Variants in TBC1D25 observed in about 807,000 individuals in gnomAD.
The protein encoded by TBC1D25 is 5SN3 snoRNA.
TBC1D25 carries 13 observed loss-of-function variants against 38.8 expected under a neutral mutation model. That is an observed-to-expected ratio of 0.34 (90% CI 0.22 to 0.53). The LOEUF (loss-of-function observed/expected upper bound fraction) is 0.53, where lower values mean the gene tolerates loss of function less well. Among genes scored for constraint, TBC1D25 ranks in the 20% least tolerant of loss-of-function variants. TBC1D25 has a pLI of 0.94. For synonymous variants in TBC1D25, 225 were observed against 255.6 expected (o/e 0.88, Z 1.14); for missense variants, 372 against 600.0 (o/e 0.62, Z 3.97).
chrX:48,561,272 T>A lies in TBC1D25; in HGVS notation c.*297T>A, dbSNP rs886561799. 28 of 266,600 alleles carry A rather than the reference T, an allele frequency of 1.1e-4. No individual in the cohort carries two copies. The highest frequency in any genetic ancestry group is 1.0e-3 in the Middle Eastern group (1 of 965). 22.0% of individuals were successfully genotyped at this position (266,600 alleles called of 1,213,427 possible). A position where few individuals can be genotyped will look rare whatever the true frequency, so the allele number is the denominator to read the frequency against. On this transcript the variant is annotated 3_prime_UTR_variant, in exon 6 of 6. Transcript: ENST00000376771. Reference sequence around the variant, plus strand: ...TCCCTGGGTTTTGCTGTAGATGGAGTCCTCAGGGGCCCTTTACCTGATGGA... The same window carrying A: ...TCCCTGGGTTTTGCTGTAGATGGAGACCTCAGGGGCCCTTTACCTGATGGA...
intron 5 of TBC1D25, 39 bp downstream of exon 5, chrX:48,559,385 G>A (rs1556985340): frequency 8.5e-7 from 1 of 1,178,533 alleles, no homozygotes; most frequent in African/African-American, 1.7e-5. Context: ...CATCACTGCT[G>A]CACTCATTAA....
At position 48,560,771 on chromosome X, in the gene TBC1D25, C is replaced by T; in HGVS notation, c.1863C>T (p.Leu621=). Residue 621 remains leucine, a synonymous_variant, in exon 6 of 6, where the codon CTC becomes CTT. Transcript: ENST00000376771. The part of the protein sequence containing the change: ...FGRGNPFMLF[L]CLAILLEHRD... ...GGGGGAACCCATTCATGCTGTTCCT[C>T]TGCCTGGCCATCCTGCTGGAGCACC... The T allele has an allele frequency of 4.1e-6, 5 of 1,211,825 alleles. No homozygotes were observed. The highest frequency in any genetic ancestry group is 5.6e-6 in the Non-Finnish European group (5 of 895,225).
rs782056100 is a variant in TBC1D25 at position 48,556,314 on chromosome X, C to T, written c.389-2583C>T. Among the ~76,000 whole-genome samples the T allele has an allele frequency of 2.7e-5, 3 of 111,654 alleles. No individual in the cohort carries two copies. In the East Asian group the frequency reaches 8.5e-4, roughly 31 times the overall value. Reference sequence around the variant, plus strand: ...GCCTGCAAACATATTGTTAACAAGGCACATCCTGCATAGCCCTAAATCCAT... The same window carrying T: ...GCCTGCAAACATATTGTTAACAAGGTACATCCTGCATAGCCCTAAATCCAT... On this transcript the variant is annotated intron_variant, in intron 3 of 5. Transcript: ENST00000376771.
chrX:48,552,648 G>A (rs1162412739), intron 3 of TBC1D25, among the ~76,000 whole-genome samples: 1 of 110,481 alleles, frequency 9.1e-6, no homozygotes, highest in Non-Finnish European at 1.9e-5. Context: ...ACTGCACCCC[G>A]CCCCAACAGT....
chrX:48,553,977 T>C (rs2061956202), intron 3 of TBC1D25, among the ~76,000 whole-genome samples: 1 of 108,155 alleles, frequency 9.2e-6, no homozygotes, highest in African/African-American at 3.3e-5. Context: ...ACTCAGGAGT[T>C]CGAGACCAGC....
intron 3 of TBC1D25, among the ~76,000 whole-genome samples, chrX:48,552,315 T>C (rs2061940922): frequency 1.0e-5 from 1 of 99,310 alleles, no homozygotes; most frequent in East Asian, 3.1e-4. Flanking sequence ...GCCTCCCGAG[T>C]AGCTGGGATT....
chrX:48,560,711 A>G lies in TBC1D25; in HGVS notation c.1803A>G (p.Pro601=), dbSNP rs1368330448. ...CTGGAAAGTCCCTGCCACCTGTACC[A>G]CCAATGGGCCTGCCCCCACCCCAGG... ...KDPGKSLPPV[P]PMGLPPPQEF... Residue 601 remains proline, a synonymous_variant, in exon 6 of 6, where the codon CCA becomes CCG. Transcript: ENST00000376771. 2 of 1,209,924 alleles carry G rather than the reference A, an allele frequency of 1.7e-6. No individual in the cohort carries two copies. Among genetic ancestry groups the G allele is most frequent in the African/African-American group, 3.5e-5 (2 of 57,247 alleles).
intron 3 of TBC1D25, among the ~76,000 whole-genome samples, chrX:48,550,809 G>A (rs959414217): frequency 2.7e-5 from 3 of 110,663 alleles, no homozygotes; most frequent in Non-Finnish European, 3.8e-5. Context: ...ACAGGCGCTC[G>A]CCACCACGCC....
At chrX:48,541,505 CTTTG>C (rs781862108) in intron 2 of TBC1D25, 63 bp downstream of exon 2, 31 of 1,058,959 alleles carry the variant, frequency 2.9e-5, no homozygotes, top group African/African-American at 3.7e-5. Context: ...GCTATCTGGC[CTTTG>C]TTTGGTAGGG....
intron 2 of TBC1D25, among the ~76,000 whole-genome samples, chrX:48,542,844 G>A (rs2061851820): frequency 9.0e-6 from 1 of 110,617 alleles, no homozygotes; most frequent in South Asian, 3.8e-4. Flanking sequence ...CAAGCAATCC[G>A]CCCGCCTCAG....
Position 48,561,916 on chromosome X carries a change from A to G in TBC1D25, c.*941A>G, listed in dbSNP as rs781961411. On this transcript the variant is annotated 3_prime_UTR_variant, in exon 6 of 6. Transcript: ENST00000376771. The stretch of plus-strand genomic sequence containing the variant: ...TCACAGCACCTGTCTTAACCATTTC[A>G]GCAGTAGAAACCACTTATTTACCTT... The G allele has an allele frequency of 1.8e-5, 2 of 112,674 alleles. No homozygotes were observed. The allele number at this position is 112,674 out of a possible 1,213,427, so 9.3% of individuals were successfully genotyped here.
chrX:48,551,875 C>T (rs1349863866), intron 3 of TBC1D25, among the ~76,000 whole-genome samples: 1 of 107,292 alleles, frequency 9.3e-6, no homozygotes, highest in East Asian at 3.0e-4. Flanking sequence ...CCACCTCAGC[C>T]TCCCAAAGTG....
chrX:48,560,883 G>A lies in TBC1D25; in HGVS notation c.1975G>A (p.Val659Ile), dbSNP rs782459088. 2.0e-5 allele frequency: 24 copies of A among 1,212,165 alleles called. No homozygotes were observed. The highest frequency in any genetic ancestry group is 1.2e-4 in the South Asian group (7 of 57,064). Residue 659 changes from valine to isoleucine, a missense_variant, in exon 6 of 6, where the codon GTC becomes ATC. Val to Ile is a conservative substitution (Grantham distance 29). This residue lies in a region of TBC1D25 where 312 missense variants were observed against 549.3 expected (regional missense o/e 0.57). Transcript: ENST00000376771. The stretch of plus-strand genomic sequence containing the variant: ...TGTGCGAAAACACCACCTGGGGCGC[G>A]TCCTGCGCCGGGCTAGGGCTCTCTT... The part of the protein sequence containing the change: ...RLVRKHHLGR[V>I]LRRARALFAD...
Position 48,559,801 on chromosome X carries a change from C to T in TBC1D25, c.893C>T (p.Ala298Val). The T allele has an allele frequency of 8.3e-7, 1 of 1,211,887 alleles. No homozygotes were observed. The highest frequency in any genetic ancestry group is 1.1e-6 in the Non-Finnish European group (1 of 895,506). Residue 298 changes from alanine (A) to valine (V), a missense_variant, in exon 6 of 6, where the codon GCC becomes GTC. Transcript: ENST00000376771. The stretch of plus-strand genomic sequence containing the variant: ...AAGGATGTACTGCGCACTGACCGGG[C>T]CCACCCCTACTATGCGGGGCCTGAG... ...VLKDVLRTDR[A>V]HPYYAGPEDG...
At chrX:48,559,500 G>A (rs942564383) in intron 5 of TBC1D25, 114 bp from the exon 6 acceptor site, 47 of 1,085,648 alleles carry the variant, frequency 4.3e-5, no homozygotes, top group Non-Finnish European at 5.5e-5. Flanking sequence ...CGGAGGCCTA[G>A]CAGACTTAGA....
chrX:48,547,319 G>A (rs893325160), intron 3 of TBC1D25, among the ~76,000 whole-genome samples: 3 of 111,814 alleles, frequency 2.7e-5, no homozygotes, highest in Admixed American at 9.6e-5. Flanking sequence ...AGACAGAGGA[G>A]AGAGAGAAAC....
intron 3 of TBC1D25, among the ~76,000 whole-genome samples, chrX:48,552,198 T>TC (rs1380987238): frequency 1.1e-4 from 12 of 111,316 alleles, no homozygotes; most frequent in South Asian, 3.7e-4. Context: ...CTTTTTTTTT[T>TC]CTTTTTGACA....
Position 48,560,464 on chromosome X carries a change from C to T in TBC1D25, c.1556C>T (p.Ser519Phe), listed in dbSNP as rs1556985900. 7 of 1,209,184 alleles carry T rather than the reference C, an allele frequency of 5.8e-6. No homozygotes were observed. The highest frequency in any genetic ancestry group is 7.8e-6 in the Non-Finnish European group (7 of 894,280). The change falls in exon 6 of 6, where the codon TCC becomes TTC. Residue 519 changes from serine (S) to phenylalanine (F), a missense_variant. Ser to Phe is a radical substitution (Grantham distance 155, BLOSUM62 -2). This residue lies in a region of TBC1D25 where 312 missense variants were observed against 549.3 expected (regional missense o/e 0.57). Transcript: ENST00000376771. ...CAGCAACTCAGGGATAACATGGGCTCCAGGAGGGACCCTCTGGTCCAGCTG... is the reference window on the plus strand; with the variant it reads ...CAGCAACTCAGGGATAACATGGGCTTCAGGAGGGACCCTCTGGTCCAGCTG... The part of the protein sequence containing the change: ...GLQQLRDNMG[S>F]RRDPLVQLPH...
At chrX:48,550,008 C>T (rs1413021794) in intron 3 of TBC1D25, among the ~76,000 whole-genome samples, 4 of 105,740 alleles carry the variant, frequency 3.8e-5, no homozygotes, top group Admixed American at 3.1e-4. Flanking sequence ...TTTTTTGAGA[C>T]GAAGTTTTAC....
Sources: allele counts gnomAD v4.1 joint callset (sites outside exome capture counted in the v4.1 genomes callset), GRCh38; gene constraint gnomAD v4.1.1; regional missense constraint gnomAD v4.1.1; transcripts MANE v1.5; gene names NCBI Gene and HGNC (gene_info 2026-07-23, HGNC 2026-07-21).